CSMD1: variants seen among roughly 807,000 people sequenced by gnomAD.
CSMD1 encodes the protein CUB and Sushi multiple domains 1, also known as CUB and sushi domain-containing protein 1.
In CSMD1, 213 loss-of-function variants were observed where a neutral mutation model predicts 417.5. That is an observed-to-expected ratio of 0.51 (90% CI 0.46 to 0.57). The LOEUF (loss-of-function observed/expected upper bound fraction) is 0.57, where lower values mean the gene tolerates loss of function less well. CSMD1 is among the 20% of genes least tolerant of loss of function. The pLI, the probability that CSMD1 is intolerant of heterozygous loss-of-function variation, is 0.00. For synonymous variants in CSMD1, 2,862 were observed against 1,736.8 expected (o/e 1.65, Z -16.11); for missense variants, 6,923 against 4,529.7 (o/e 1.53, Z -15.17).
At chr8:3,255,696 C>A (rs1006222761) in intron 26 of CSMD1, among the ~76,000 whole-genome samples, 19 of 152,142 alleles carry the variant, frequency 1.2e-4, no homozygotes, top group African/African-American at 1.2e-4. Flanking sequence ...CCTGGTGTGC[C>A]GTTTGCTAAG....
rs1486734833 is a variant in CSMD1 at position 3,387,630 on chromosome 8, G to A, written c.2646C>T (p.Gly882=). ...TGCCAAAGTCTCCACCGTGGCGATG[G>A]CCGTTCACAGGGATGCCCGGGTCCA... ...SCLDPGIPVN[G]HRHGGDFGIR... is the part of the protein sequence containing the mutation. Residue 882 remains glycine, a synonymous_variant, in exon 18 of 70, where the codon GGC becomes GGT. Transcript: ENST00000635120. The A allele has an allele frequency of 6.2e-7, 1 of 1,600,630 alleles. No individual in the cohort carries two copies. Among genetic ancestry groups the A allele is most frequent in the Non-Finnish European group, 8.5e-7 (1 of 1,173,504 alleles).
chr8:3,461,142 G>C (rs1478523839), intron 12 of CSMD1, among the ~76,000 whole-genome samples: 1 of 152,184 alleles, frequency 6.6e-6, no homozygotes, highest in Non-Finnish European at 1.5e-5. Context: ...CTGCGGAACT[G>C]AGGCTGCTAG....
chr8:4,069,413 C>T (rs949049829), intron 3 of CSMD1, among the ~76,000 whole-genome samples: 2 of 152,120 alleles, frequency 1.3e-5, no homozygotes, highest in Non-Finnish European at 2.9e-5. Flanking sequence ...CCGAGTTTTC[C>T]ATGAGCATCT....
At chr8:4,769,227 G>A (rs1439896801) in intron 1 of CSMD1, among the ~76,000 whole-genome samples, 1 of 152,136 alleles carries the variant, frequency 6.6e-6, no homozygotes, top group Non-Finnish European at 1.5e-5. Context: ...ATGAAATGAA[G>A]AGATGCATAT....
chr8:3,660,448 T>C (rs375158979), intron 7 of CSMD1, among the ~76,000 whole-genome samples: 3 of 148,974 alleles, frequency 2.0e-5, no homozygotes, highest in African/African-American at 7.4e-5. Context: ...GGAGTAAGAA[T>C]TTATATGTAA....
At chr8:4,435,572 C>T (rs1219015896) in intron 2 of CSMD1, among the ~76,000 whole-genome samples, 2 of 152,136 alleles carry the variant, frequency 1.3e-5, no homozygotes, top group African/African-American at 4.8e-5. Flanking sequence ...CTGTCATGCT[C>T]CCTTCCAGGA....
At chr8:3,379,112 CAGAG>C (rs1287251113) in intron 18 of CSMD1, among the ~76,000 whole-genome samples, 3 of 152,134 alleles carry the variant, frequency 2.0e-5, no homozygotes, top group Non-Finnish European at 4.4e-5. Context: ...AATAGACAAA[CAGAG>C]AGCCAAATCA....
At chr8:3,272,434 G>T (rs1423478133) in intron 26 of CSMD1, among the ~76,000 whole-genome samples, 1 of 150,708 alleles carries the variant, frequency 6.6e-6, no homozygotes, top group South Asian at 2.1e-4. Context: ...GGTTCCATAT[G>T]AACTTTAAAG....
At chr8:4,443,664 T>C (rs1194331636) in intron 2 of CSMD1, among the ~76,000 whole-genome samples, 2 of 152,180 alleles carry the variant, frequency 1.3e-5, no homozygotes, top group African/African-American at 2.4e-5. Context: ...GTTAAAGAAA[T>C]AGCATTTATA....
At chr8:3,228,771 C>G (rs1224475928) in intron 27 of CSMD1, among the ~76,000 whole-genome samples, 1 of 149,746 alleles carries the variant, frequency 6.7e-6, no homozygotes, top group Admixed American at 6.6e-5. Context: ...TAAAAACATG[C>G]AAAATGGAAG....
At chr8:3,018,095 T>C (rs572955075) in intron 52 of CSMD1, among the ~76,000 whole-genome samples, 1 of 152,362 alleles carries the variant, frequency 6.6e-6, no homozygotes, top group East Asian at 1.9e-4. Flanking sequence ...TAATTCACTG[T>C]ACTTATGTCA....
intron 10 of CSMD1, among the ~76,000 whole-genome samples, chr8:3,538,629 G>A (rs1798307232): frequency 1.3e-5 from 2 of 152,356 alleles, no homozygotes; most frequent in South Asian, 4.1e-4. Flanking sequence ...ACTCAACAAA[G>A]GTATAGAGCT....
intron 2 of CSMD1, among the ~76,000 whole-genome samples, chr8:4,424,597 G>A (rs1461642253): frequency 6.6e-6 from 1 of 151,998 alleles, no homozygotes; most frequent in Non-Finnish European, 1.5e-5. Flanking sequence ...TTATACTGCT[G>A]GTGGAAATAT....
At chr8:4,321,585 G>C (rs529171124) in intron 3 of CSMD1, among the ~76,000 whole-genome samples, 109 of 152,140 alleles carry the variant, frequency 7.2e-4, no homozygotes, top group Non-Finnish European at 1.4e-3. Flanking sequence ...GTGAGTATCT[G>C]GTATATAACA....
chr8:4,477,110 C>A (rs1391693843), intron 2 of CSMD1, among the ~76,000 whole-genome samples: 1 of 152,210 alleles, frequency 6.6e-6, no homozygotes, highest in Non-Finnish European at 1.5e-5. Context: ...CTTCCCACCA[C>A]CTGTCTCTTA....
chr8:4,053,205 T>C (rs1383704239), intron 3 of CSMD1, among the ~76,000 whole-genome samples: 4 of 152,178 alleles, frequency 2.6e-5, no homozygotes, highest in South Asian at 4.1e-4. Flanking sequence ...TAACACGTTA[T>C]TAAAAAGTCA....
At chr8:3,077,982 C>A (rs1208004987) in intron 49 of CSMD1, among the ~76,000 whole-genome samples, 2 of 152,210 alleles carry the variant, frequency 1.3e-5, no homozygotes, top group African/African-American at 4.8e-5. Context: ...CCATTTGCCT[C>A]CGTTTCCTTT....
intron 3 of CSMD1, among the ~76,000 whole-genome samples, chr8:4,367,648 G>C (rs544180852): frequency 1.4e-3 from 209 of 152,142 alleles, no homozygotes; most frequent in Middle Eastern, 6.8e-3. Flanking sequence ...AAATTGCTTT[G>C]GGTGGTATGA....
intron 10 of CSMD1, among the ~76,000 whole-genome samples, chr8:3,504,845 G>C (rs977482557): frequency 6.6e-6 from 1 of 152,142 alleles, no homozygotes; most frequent in African/African-American, 2.4e-5. Context: ...GTAGCAAGTT[G>C]AGAGTCATGT....
Sources: allele counts gnomAD v4.1 joint callset (sites outside exome capture counted in the v4.1 genomes callset), GRCh38; gene constraint gnomAD v4.1.1; transcripts MANE v1.5; gene names NCBI Gene and HGNC (gene_info 2026-07-23, HGNC 2026-07-21).